Variants in PTBP2 observed in about 807,000 individuals in gnomAD.
PTBP2 encodes the protein polypyrimidine tract binding protein 2, also known as polypyrimidine tract-binding protein 2.
A neutral mutation model predicts 61.4 loss-of-function variants in PTBP2; 13 were observed. That is an observed-to-expected ratio of 0.21 (90% CI 0.14 to 0.34). The LOEUF is 0.34. Among genes scored for constraint, PTBP2 ranks in the 10% least tolerant of loss-of-function variants. The pLI is 1.00. For missense variants in PTBP2, 405 were observed against 642.6 expected (o/e 0.63, Z 4.00); for synonymous variants, 215 against 218.5 (o/e 0.98, Z 0.14).
At chr1:96,765,443 G>T (rs1274711008) in intron 3 of PTBP2, among the ~76,000 whole-genome samples, 2 of 152,168 alleles carry the variant, frequency 1.3e-5, no homozygotes, top group African/African-American at 4.8e-5. Flanking sequence ...CAGGTGCTGT[G>T]GCTCATGCCT....
intron 7 of PTBP2, among the ~76,000 whole-genome samples, chr1:96,784,436 T>C (rs1328225569): frequency 6.6e-6 from 1 of 152,182 alleles, no homozygotes; most frequent in African/African-American, 2.4e-5. Flanking sequence ...GACCTGGCAC[T>C]CGTCAGTTTC....
chr1:96,782,216 G>T (rs947905076), intron 7 of PTBP2, among the ~76,000 whole-genome samples: 11 of 151,882 alleles, frequency 7.2e-5, no homozygotes, highest in Admixed American at 5.9e-4. Context: ...TCTTCTGGAA[G>T]TCCTGTTTAT....
chr1:96,733,021 C>CT (rs35353502), intron 2 of PTBP2, among the ~76,000 whole-genome samples: 49,489 of 139,372 alleles, frequency 0.36, 9,492 homozygotes, highest in South Asian at 0.5. Flanking sequence ...TTCTTTCTTT[C>CT]TTTTTTTTTT....
chr1:96,792,534 T>C (rs1472520023), intron 8 of PTBP2, among the ~76,000 whole-genome samples: 1 of 152,178 alleles, frequency 6.6e-6, no homozygotes, highest in African/African-American at 2.4e-5. Context: ...ACCTGTAGAA[T>C]AGTTATCAAG....
intron 8 of PTBP2, among the ~76,000 whole-genome samples, chr1:96,786,141 A>G (rs960166611): frequency 3.9e-5 from 6 of 152,186 alleles, no homozygotes; most frequent in Non-Finnish European, 8.8e-5. Flanking sequence ...TTCAAAAGAA[A>G]AAATAGTATA....
At chr1:96,800,177 C>T (rs1277020131) in intron 8 of PTBP2, among the ~76,000 whole-genome samples, 3 of 151,924 alleles carry the variant, frequency 2.0e-5, no homozygotes, top group African/African-American at 4.8e-5. Context: ...CAGGGTGGTC[C>T]GGAATGGTGG....
intron 3 of PTBP2, among the ~76,000 whole-genome samples, chr1:96,757,262 TG>T (rs551164692): frequency 1.5e-4 from 23 of 152,174 alleles, no homozygotes; most frequent in Non-Finnish European, 1.5e-4. Context: ...AGTAAAAAGA[TG>T]GAAAATGATA....
intron 2 of PTBP2, among the ~76,000 whole-genome samples, chr1:96,744,147 C>T (rs1325888933): frequency 6.6e-6 from 1 of 151,944 alleles, no homozygotes; most frequent in East Asian, 1.9e-4. Context: ...TTACTTGAAC[C>T]CGGGAGACAG....
intron 8 of PTBP2, among the ~76,000 whole-genome samples, chr1:96,794,381 C>A (rs1258792072): frequency 1.3e-5 from 2 of 152,158 alleles, no homozygotes; most frequent in Non-Finnish European, 2.9e-5. Context: ...AAAGAAAATA[C>A]TTCTGTTGCT....
At chr1:96,815,067 T>A (rs546915576), downstream of PTBP2, 2 of 152,692 alleles carry the variant, frequency 1.3e-5, no homozygotes, top group African/African-American at 4.8e-5. Context: ...TGGTTTTTTT[T>A]AATTTAAAAG....
chr1:96,726,136 T>G (rs1340610505), intron 2 of PTBP2, among the ~76,000 whole-genome samples: 2 of 150,836 alleles, frequency 1.3e-5, no homozygotes, highest in African/African-American at 4.9e-5. Flanking sequence ...CAGCTTTTTT[T>G]GCTATTTCTT....
rs1416619788 is a variant in PTBP2 at position 96,777,737 on chromosome 1, T to A, written c.585T>A (p.Asp195Glu). ...ACATGTACTACCCTGTAACACTTGA[T>A]GTTCTTCACCAAGTAAGTTTAATCT... ...IDNMYYPVTL[D>E]VLHQIFSKFG... Residue 195 changes from aspartate to glutamate, a missense_variant, in exon 6 of 14, where the codon GAT becomes GAA. By Grantham distance (45) the Asp-to-Glu change is conservative (BLOSUM62 2). Transcript: ENST00000674951. 10 of 1,599,168 alleles carry A rather than the reference T, an allele frequency of 6.3e-6. No individual in the cohort carries two copies. Among genetic ancestry groups the A allele is most frequent in the Middle Eastern group, 1.7e-4 (1 of 5,990 alleles).
At position 96,721,889 on chromosome 1, in the gene PTBP2, G is replaced by C; in HGVS notation, c.8+17G>C. 1 of 1,573,936 alleles carries C rather than the reference G, an allele frequency of 6.4e-7. No individual in the cohort carries two copies. Among genetic ancestry groups the C allele is most frequent in the African/African-American group, 1.3e-5 (1 of 74,410 alleles). On this transcript the variant is annotated intron_variant, in intron 1 of 13. Transcript: ENST00000674951. ...AATGGACGGGTATGTAATCGGGCCG[G>C]CGAGAAGGTGTGTGTGAGAGAGGAG...
chr1:96,781,727 CTG>C (rs1313203070), intron 7 of PTBP2, among the ~76,000 whole-genome samples: 1 of 151,968 alleles, frequency 6.6e-6, no homozygotes, highest in East Asian at 1.9e-4. Flanking sequence ...TTCTGTCGGA[CTG>C]TAAGTTCTGA....
At chr1:96,729,407 T>G (rs951896344) in intron 2 of PTBP2, among the ~76,000 whole-genome samples, 2 of 152,190 alleles carry the variant, frequency 1.3e-5, no homozygotes, top group Non-Finnish European at 2.9e-5. Flanking sequence ...TGCCATTTTT[T>G]GTCTCCTTTT....
chr1:96,739,728 G>A (rs888137835), intron 2 of PTBP2, among the ~76,000 whole-genome samples: 7 of 143,648 alleles, frequency 4.9e-5, no homozygotes, highest in African/African-American at 1.0e-4. Context: ...CCGGGTTCAC[G>A]CCATCTTCCT....
intron 2 of PTBP2, among the ~76,000 whole-genome samples, chr1:96,732,096 T>C (rs1651499408): frequency 6.6e-6 from 1 of 152,208 alleles, no homozygotes; most frequent in African/African-American, 2.4e-5. Flanking sequence ...CTTAAAATGT[T>C]AGCTTTTTCT....
intron 3 of PTBP2, among the ~76,000 whole-genome samples, chr1:96,761,234 A>G (rs191205454): frequency 2.6e-5 from 4 of 152,228 alleles, no homozygotes; most frequent in Admixed American, 2.6e-4. Context: ...GAAGCAGTAG[A>G]TTATCTCTGA....
intron 8 of PTBP2, among the ~76,000 whole-genome samples, chr1:96,790,868 G>A (rs1185439185): frequency 1.3e-5 from 2 of 151,946 alleles, no homozygotes; most frequent in East Asian, 3.9e-4. Context: ...GGGGTGGGGT[G>A]GATAAAGGAC....
Sources: allele counts gnomAD v4.1 joint callset (sites outside exome capture counted in the v4.1 genomes callset), GRCh38; gene constraint gnomAD v4.1.1; transcripts MANE v1.5; gene names NCBI Gene and HGNC (gene_info 2026-07-23, HGNC 2026-07-21).